Variants in TEF observed in about 807,000 individuals in gnomAD.
TEF encodes thyrotroph embryonic factor.
A neutral mutation model predicts 20.8 loss-of-function variants in TEF; 3 were observed. The ratio of observed to expected loss-of-function variants is 0.14; its 90% CI spans 0.07 to 0.37. The LOEUF is 0.37. TEF is among the 10% of genes least tolerant of loss of function. The pLI is 1.00. For missense variants in TEF, 296 were observed against 397.9 expected (o/e 0.74, Z 2.18); for synonymous variants, 180 against 171.1 (o/e 1.05, Z -0.41).
At chr22:41,373,474 T>C (rs2036905897) in intron 1 of TEF, among the ~76,000 whole-genome samples, 1 of 151,678 alleles carries the variant, frequency 6.6e-6, no homozygotes, top group African/African-American at 2.4e-5. Flanking sequence ...GATAGTATAT[T>C]TTTCTTTTTT....
chr22:41,378,013 T>C (rs1275731988), upstream of TEF, among the ~76,000 whole-genome samples: 1 of 152,220 alleles, frequency 6.6e-6, no homozygotes, highest in Non-Finnish European at 1.5e-5. Context: ...CCTTCCACTG[T>C]TATCATTAAT....
chr22:41,392,244 G>C (rs993092536), intron 2 of TEF, among the ~76,000 whole-genome samples: 2 of 152,154 alleles, frequency 1.3e-5, no homozygotes, highest in African/African-American at 4.8e-5. Context: ...GCAGCCAGGT[G>C]GGGCAGGGAA....
At chr22:41,367,653 AG>A in intron 1 of TEF, 2 of 1,525,906 alleles carry the variant, frequency 1.3e-6, no homozygotes, top group Non-Finnish European at 1.8e-6. Flanking sequence ...CGAGGGGGCG[AG>A]GGGGCAGCCA....
chr22:41,382,200 C>T lies in TEF; in HGVS notation c.156C>T (p.Leu52=), dbSNP rs775503966. 3.1e-6 allele frequency: 3 copies of T among 953,956 alleles called. No individual in the cohort carries two copies. Among genetic ancestry groups the T allele is most frequent in the Non-Finnish European group, 3.6e-6 (3 of 822,734 alleles). The allele number at this position is 953,956 out of a possible 1,614,324, so 59.1% of individuals were successfully genotyped here. The change falls in exon 1 of 4, where the codon CTC becomes CTT. Residue 52 remains leucine (L), a splice_region_variant and synonymous_variant. Transcript: ENST00000266304. ...LMENPPREAR[L]DKEKGKEKLE... ...AGAACCCCCCGCGCGAGGCGCGCCT[C>T]GGTGAGGGCGGGGGGGTGGTCCGCG...
At chr22:41,394,867 G>C (rs1265070853) in intron 3 of TEF, among the ~76,000 whole-genome samples, 3 of 152,184 alleles carry the variant, frequency 2.0e-5, no homozygotes, top group Non-Finnish European at 2.9e-5. Context: ...TGTGCCTCAA[G>C]TTCCTCATCT....
chr22:41,378,393 T>G (rs1217942170), upstream of TEF, among the ~76,000 whole-genome samples: 3 of 143,454 alleles, frequency 2.1e-5, no homozygotes, highest in Non-Finnish European at 4.5e-5. Flanking sequence ...TCGCTCAGGC[T>G]GGAGTGCAGT....
At chr22:41,395,589 C>T (rs1376508183) in intron 3 of TEF, among the ~76,000 whole-genome samples, 156 bp from the exon 4 acceptor site, 1 of 152,106 alleles carries the variant, frequency 6.6e-6, no homozygotes, top group Non-Finnish European at 1.5e-5. Flanking sequence ...GGGCAGTGCC[C>T]TCAATGTGCC....
At chr22:41,370,001 C>T (rs1327486196) in intron 1 of TEF, 1 of 985,324 alleles carries the variant, frequency 1.0e-6, no homozygotes, top group Non-Finnish European at 1.2e-6. Flanking sequence ...ATCTCACCTC[C>T]AGTGGGAGGG....
At position 41,398,198 on chromosome 22, in the gene TEF, C is replaced by T. The variant is rs2037253257; in HGVS notation, c.*2238C>T. 6.5e-6 allele frequency: 1 copy of T among 152,694 alleles called. No homozygotes were observed. Among genetic ancestry groups the T allele is most frequent in the Non-Finnish European group, 1.5e-5 (1 of 68,034 alleles). The allele number at this position is 152,694 out of a possible 1,614,324, so 9.5% of individuals were successfully genotyped here. A position where few individuals can be genotyped will look rare whatever the true frequency, so the allele number is the denominator to read the frequency against. On this transcript the variant is annotated 3_prime_UTR_variant, in exon 4 of 4. Coordinates refer to ENST00000266304, the MANE Select transcript of TEF (RefSeq NM_003216.4). ...GCTGACCTGTGGGGGAAAAGAAGTG[C>T]TCAGGTAAGGTTGTCTCCTCTCCTG...
At chr22:41,385,363 A>T (rs1041713574) in intron 1 of TEF, among the ~76,000 whole-genome samples, 2 of 145,192 alleles carry the variant, frequency 1.4e-5, no homozygotes, top group Admixed American at 6.9e-5. Flanking sequence ...TCCTTCTCAT[A>T]AAAAAAAAAA....
At position 41,399,174 on chromosome 22, in the gene TEF, C is replaced by G. The variant is rs1194083678; in HGVS notation, c.*3214C>G. 6.6e-6 allele frequency: 1 copy of G among 152,646 alleles called. No individual in the cohort carries two copies. The highest frequency in any genetic ancestry group is 1.5e-5 in the Non-Finnish European group (1 of 68,078). The allele number at this position is 152,646 out of a possible 1,614,324, so 9.5% of individuals were successfully genotyped here. A position where few individuals can be genotyped will look rare whatever the true frequency, so the allele number is the denominator to read the frequency against. The stretch of plus-strand genomic sequence containing the variant: ...AGGCAAGAGAGAAATTCCTTCTTCC[C>G]AGCCAGAGAGGGCAGAAGCAGACCG... On this transcript the variant is annotated 3_prime_UTR_variant, in exon 4 of 4. Transcript: ENST00000266304.
rs574458176 is a variant in TEF at position 41,392,320 on chromosome 22, C to T, written c.476-1776C>T. On this transcript the variant is annotated intron_variant, in intron 2 of 3. Transcript: ENST00000266304. ...GTTCAATTGCTTATCATCTGTGTGA[C>T]TCTGGGAAAACCATTTTATTTCTCT... Among the ~76,000 whole-genome samples the T allele has an allele frequency of 1.1e-3, 167 of 152,230 alleles. 2 individuals are homozygous for T. The highest frequency in any genetic ancestry group is 3.2e-3 in the African/African-American group (134 of 41,544).
In TEF at chr22:41,387,598, C is replaced by G. The variant is rs768212737; in HGVS notation, c.405C>G (p.Ser135Arg). 1.7e-5 allele frequency: 27 copies of G among 1,614,108 alleles called. No homozygotes were observed. In the Middle Eastern group the frequency reaches 4.9e-4, roughly 29 times the overall value. ...AGCTAGAAGGGAAGGAGTCTGCCAG[C>G]TCTTCCACAGCATCCCCACCATCCT... ...VAELEGKESA[S>R]SSTASPPSSS... Residue 135 changes from serine (S) to arginine (R), a missense_variant, in exon 2 of 4, where the codon AGC (serine) becomes AGG (arginine). Around this residue, in one of 2 missense-constraint regions of TEF, gnomAD observed 194 missense variants for 317.8 expected, o/e 0.61. Coordinates refer to ENST00000266304, the MANE Select transcript of TEF (RefSeq NM_003216.4).
intron 2 of TEF, among the ~76,000 whole-genome samples, chr22:41,393,716 T>A (rs2145991293): frequency 7.1e-6 from 1 of 141,594 alleles, no homozygotes; most frequent in South Asian, 2.2e-4. Context: ...GAGCTTGCAA[T>A]GAGCCGAGAT....
At chr22:41,377,734 A>T (rs960989373), upstream of TEF, among the ~76,000 whole-genome samples, 1 of 152,202 alleles carries the variant, frequency 6.6e-6, no homozygotes, top group Non-Finnish European at 1.5e-5. Context: ...ACGCTCCTGC[A>T]GTATTTGTGA....
At chr22:41,377,562 C>T (rs1569252643), upstream of TEF, among the ~76,000 whole-genome samples, 1 of 152,212 alleles carries the variant, frequency 6.6e-6, no homozygotes, top group Non-Finnish European at 1.5e-5. Flanking sequence ...AATATTCCCA[C>T]TTTAGTGATA....
intron 1 of TEF, among the ~76,000 whole-genome samples, chr22:41,376,442 G>A (rs2036942768): frequency 6.6e-6 from 1 of 152,204 alleles, no homozygotes; most frequent in African/African-American, 2.4e-5. Context: ...TGGCCAGGCT[G>A]GTCTTGAACT....
chr22:41,372,664 C>T (rs934559748), intron 1 of TEF, among the ~76,000 whole-genome samples: 1 of 152,082 alleles, frequency 6.6e-6, no homozygotes, highest in Non-Finnish European at 1.5e-5. Flanking sequence ...GCTTCCAGAG[C>T]GTTTGCTATG....
At chr22:41,381,849 A>T, upstream of TEF, 1 of 1,204,804 alleles carries the variant, frequency 8.3e-7, no homozygotes, top group Non-Finnish European at 1.0e-6. Context: ...GATCCGGGGA[A>T]GCTGGCCTGG....
Sources: gnomAD v4.1 joint callset for allele counts (sites outside exome capture counted in the v4.1 genomes callset) on GRCh38, gnomAD v4.1.1 for gene constraint, gnomAD v4.1.1 regional missense constraint, MANE v1.5 for transcripts, NCBI Gene and HGNC (gene_info 2026-07-23, HGNC 2026-07-21) for gene names.